The following MACROD1 variants were observed in gnomAD, a reference collection of about 807,000 sequenced individuals.
MACROD1 encodes the protein ADP-ribose glycohydrolase MACROD1.
A neutral mutation model predicts 41.4 loss-of-function variants in MACROD1; 31 were observed. The ratio of observed to expected loss-of-function variants is 0.75; its 90% CI spans 0.56 to 1.01. The LOEUF (loss-of-function observed/expected upper bound fraction) is 1.01, where lower values mean the gene tolerates loss of function less well. MACROD1 is among the 50% of genes least tolerant of loss of function. The probability of loss-of-function intolerance (pLI) is 0.00; values close to 1 mark genes in which losing one functional copy is unlikely to be tolerated. For synonymous variants in MACROD1, 252 were observed against 203.4 expected, an observed-to-expected ratio of 1.24 and a Z score of -2.03; for missense variants, 473 against 460.0, an observed-to-expected ratio of 1.03 and a Z score of -0.26.
At chr11:64,013,297 C>A (rs1009717079) in intron 4 of MACROD1, among the ~76,000 whole-genome samples, 6 of 151,884 alleles carry the variant, frequency 4.0e-5, no homozygotes, top group Non-Finnish European at 7.4e-5. Flanking sequence ...CAGCATGGGG[C>A]AGGGGAGGCA....
chr11:64,130,625 G>A (rs1945251471), intron 3 of MACROD1, among the ~76,000 whole-genome samples: 1 of 152,142 alleles, frequency 6.6e-6, no homozygotes, highest in Admixed American at 6.5e-5. Context: ...TTCTGCCTCC[G>A]TGGGTCTGAC....
intron 3 of MACROD1, chr11:64,116,718 C>T (rs746649960): frequency 1.2e-6 from 2 of 1,613,834 alleles, no homozygotes; most frequent in Non-Finnish European, 1.7e-6. Context: ...GGCCCGCATC[C>T]CGCTGCTGGA....
intron 3 of MACROD1, chr11:64,104,258 G>C: frequency 6.6e-6 from 1 of 152,162 alleles, no homozygotes; most frequent in Middle Eastern, 3.2e-3. Flanking sequence ...CTCGCACCCA[G>C]ACAGCTGGGT....
At chr11:64,102,911 A>T (rs672104) in intron 3 of MACROD1, among the ~76,000 whole-genome samples, 70,532 of 150,440 alleles carry the variant, frequency 0.47, 17,171 homozygotes, top group African/African-American at 0.61. Context: ...TACTAAAATT[A>T]AAAAAAAAAA....
intron 3 of MACROD1, among the ~76,000 whole-genome samples, chr11:64,024,961 T>C (rs1443597642): frequency 6.6e-6 from 1 of 152,160 alleles, no homozygotes; most frequent in African/African-American, 2.4e-5. Context: ...AACCAGAAGC[T>C]ATTTTATTGT....
rs567526137 is a variant in MACROD1 at position 64,047,319 on chromosome 11, G to A, written c.518-32038C>T. Reference sequence around the variant, plus strand: ...TACAACAGCCCTGGGAGTGGGTAGCGTGAGCCCATTTTAAGAAGGCGAAAC... The same window carrying A: ...TACAACAGCCCTGGGAGTGGGTAGCATGAGCCCATTTTAAGAAGGCGAAAC... On this transcript the variant is annotated intron_variant, in intron 3 of 10. Coordinates refer to ENST00000255681, the MANE Select transcript of MACROD1 (RefSeq NM_014067.4). Among the ~76,000 whole-genome samples, 4 of 152,234 alleles carry A rather than the reference G, an allele frequency of 2.6e-5. No individual in the cohort carries two copies. The East Asian group carries it at 5.8e-4, about 22-fold the overall frequency.
chr11:64,099,686 G>GGGTGGATAGATT (rs2134552383), intron 3 of MACROD1, among the ~76,000 whole-genome samples: 1 of 151,756 alleles, frequency 6.6e-6, no homozygotes, highest in South Asian at 2.1e-4. Flanking sequence ...ATGGAGGGAT[G>GGGTGGATAGATT]GATGGATGAA....
intron 3 of MACROD1, 60 bp from the exon 4 acceptor site, chr11:64,015,341 C>T: frequency 6.6e-7 from 1 of 1,517,268 alleles, no homozygotes; most frequent in Admixed American, 2.0e-5. Context: ...GGAGTATCAG[C>T]CTTGAGGGGA....
At chr11:64,130,325 C>A (rs545871109) in intron 3 of MACROD1, among the ~76,000 whole-genome samples, 4 of 152,318 alleles carry the variant, frequency 2.6e-5, no homozygotes, top group Non-Finnish European at 1.5e-5. Flanking sequence ...AGCTCCTGCT[C>A]AAATGAGAGA....
At position 64,120,881 on chromosome 11, in the gene MACROD1, T is replaced by TC. The variant is rs1206918486; in HGVS notation, c.517+30357dup. ...AAGGGCACCACTCTGATCACTGCCT[T>TC]CCCCCAAGTCCCGCCCATCTGCAAC... On this transcript the variant is annotated intron_variant, in intron 3 of 10. Coordinates refer to ENST00000255681, the MANE Select transcript of MACROD1 (RefSeq NM_014067.4). The surrounding 1 kb of genome is among the most constrained non-coding windows in gnomAD (Gnocchi z 4.5). 6.6e-6 allele frequency among the ~76,000 whole-genome samples: 1 copy of TC among 151,850 alleles called. No individual in the cohort carries two copies. Among genetic ancestry groups the TC allele is most frequent in the Non-Finnish European group, 1.5e-5 (1 of 67,932 alleles).
In MACROD1 at chr11:63,998,655, C is replaced by T. The variant is rs768561249; in HGVS notation, c.*63G>A. 6.4e-5 allele frequency: 85 copies of T among 1,328,680 alleles called. No individual in the cohort carries two copies. Among genetic ancestry groups the T allele is most frequent in the Non-Finnish European group, 8.1e-5 (85 of 1,043,068 alleles). The allele number at this position is 1,328,680 out of a possible 1,614,324, so 82.3% of individuals were successfully genotyped here. A position where few individuals can be genotyped will look rare whatever the true frequency, so the allele number is the denominator to read the frequency against. On this transcript the variant is annotated 3_prime_UTR_variant, in exon 11 of 11. Coordinates refer to ENST00000255681, the MANE Select transcript of MACROD1 (RefSeq NM_014067.4). ...GCCAGGCTGCAGGCTTTGGCGACCT[C>T]TCAGAGCTGGGAGCGGGGTCCCGAA... is the stretch of plus-strand genomic sequence containing the variant.
intron 3 of MACROD1, among the ~76,000 whole-genome samples, chr11:64,104,790 G>C (rs1278456622): frequency 6.6e-6 from 1 of 152,168 alleles, no homozygotes; most frequent in East Asian, 1.9e-4. Flanking sequence ...CTGAGGCCCA[G>C]AGAAGGGCAG....
At chr11:64,152,503 G>A in intron 1 of MACROD1, 110 bp from the exon 2 acceptor site, 2 of 839,608 alleles carry the variant, frequency 2.4e-6, no homozygotes, top group Non-Finnish European at 4.1e-6. Flanking sequence ...AGCTCTTCCT[G>A]TCCCTCCTTC....
At chr11:64,068,272 G>A (rs762327148) in intron 3 of MACROD1, among the ~76,000 whole-genome samples, 91 of 152,356 alleles carry the variant, frequency 6.0e-4, no homozygotes, top group Admixed American at 1.2e-3. Flanking sequence ...TGGGGAGCTG[G>A]TGGCAAGGCC....
intron 3 of MACROD1, among the ~76,000 whole-genome samples, chr11:64,143,753 T>TATACACAC (rs1358778255): frequency 5.9e-5 from 6 of 101,616 alleles, no homozygotes; most frequent in African/African-American, 2.6e-4. Context: ...GACACACACA[T>TATACACAC]ACACACACAC....
chr11:64,075,726 G>A (rs1279389851), intron 3 of MACROD1, among the ~76,000 whole-genome samples: 6 of 152,322 alleles, frequency 3.9e-5, no homozygotes, highest in South Asian at 2.1e-4. Flanking sequence ...AGGCTGGAGC[G>A]CAGTGGCACA....
At chr11:64,058,525 C>T (rs1449106804) in intron 3 of MACROD1, among the ~76,000 whole-genome samples, 2 of 152,350 alleles carry the variant, frequency 1.3e-5, no homozygotes, top group East Asian at 3.9e-4. Flanking sequence ...TTGGAAGGGG[C>T]AGCAGATGCC....
chr11:64,010,728 T>TGTTGGC (rs1942998286), intron 4 of MACROD1, among the ~76,000 whole-genome samples: 1 of 131,544 alleles, frequency 7.6e-6, no homozygotes, highest in African/African-American at 2.9e-5. Flanking sequence ...GGGGTGTTGG[T>TGTTGGC]TGGCATGTTG....
chr11:64,015,295 A>G lies in MACROD1; in HGVS notation c.518-14T>C, dbSNP rs757824556. 5.1e-5 allele frequency: 81 copies of G among 1,603,642 alleles called. No homozygotes were observed. The highest frequency in any genetic ancestry group is 6.6e-5 in the Non-Finnish European group (78 of 1,175,196). On this transcript the variant is annotated splice_polypyrimidine_tract_variant and intron_variant, in intron 3 of 10. Transcript: ENST00000255681. ...GGGAGCTGTTGGCTGCAAGAGAGAG[A>G]GACAAAGGCAGATCAGTGGGGAAGG... is the stretch of plus-strand genomic sequence containing the variant.
Sources: allele counts gnomAD v4.1 joint callset (sites outside exome capture counted in the v4.1 genomes callset), GRCh38; gene constraint gnomAD v4.1.1; non-coding constraint Gnocchi (gnomAD v3.1); transcripts MANE v1.5; gene names NCBI Gene and HGNC (gene_info 2026-07-23, HGNC 2026-07-21).